EDIL3: variants seen among roughly 807,000 people sequenced by gnomAD.
EDIL3 encodes the protein EGF like and discoidin domains 3.
In EDIL3, 37 loss-of-function variants were observed where a neutral mutation model predicts 67.4. The ratio of observed to expected loss-of-function variants is 0.55; its 90% CI spans 0.42 to 0.72. The LOEUF is 0.72. Among genes scored for constraint, EDIL3 ranks in the 30% least tolerant of loss-of-function variants. EDIL3 has a pLI of 0.00. For synonymous variants in EDIL3, 195 were observed against 196.3 expected, an observed-to-expected ratio of 0.99 and a Z score of 0.05; for missense variants, 527 against 586.3, an observed-to-expected ratio of 0.90 and a Z score of 1.04.
chr5:84,156,189 T>G (rs1695926588), intron 4 of EDIL3, among the ~76,000 whole-genome samples: 1 of 152,198 alleles, frequency 6.6e-6, no homozygotes, highest in Non-Finnish European at 1.5e-5. Flanking sequence ...TCTTCTAGGT[T>G]TAGCCTTGGA....
chr5:84,291,648 ATATCTATATATCTATATATATATC>A (rs1454115578), intron 1 of EDIL3, among the ~76,000 whole-genome samples: 3 of 145,056 alleles, frequency 2.1e-5, no homozygotes, highest in African/African-American at 4.9e-5. Context: ...ATATCTATCT[ATATCTATATATCTATATATATATC>A]TATCTATATA....
At chr5:84,257,491 A>G (rs1466182940) in intron 1 of EDIL3, among the ~76,000 whole-genome samples, 4 of 152,206 alleles carry the variant, frequency 2.6e-5, no homozygotes, top group African/African-American at 2.4e-5. Flanking sequence ...GAAAACAGGT[A>G]ATAGATTTGA....
chr5:84,366,365 C>A (rs1032782508), intron 1 of EDIL3, among the ~76,000 whole-genome samples: 3 of 152,104 alleles, frequency 2.0e-5, no homozygotes, highest in African/African-American at 4.8e-5. Context: ...CCTTACAAGT[C>A]AGGCTCTATT....
At chr5:84,119,971 T>A (rs903878699) in intron 5 of EDIL3, among the ~76,000 whole-genome samples, 2 of 151,920 alleles carry the variant, frequency 1.3e-5, no homozygotes, top group African/African-American at 4.8e-5. Context: ...TCTAAGGACA[T>A]AAAGGGGATG....
chr5:84,027,421 G>A (rs1745835542), intron 9 of EDIL3, among the ~76,000 whole-genome samples: 2 of 152,182 alleles, frequency 1.3e-5, no homozygotes, highest in Admixed American at 6.5e-5. Flanking sequence ...TCAGAGAAGG[G>A]AAGCTTGGTC....
intron 1 of EDIL3, among the ~76,000 whole-genome samples, chr5:84,304,978 T>C (rs532141340): frequency 6.6e-6 from 1 of 152,342 alleles, no homozygotes; most frequent in South Asian, 2.1e-4. Flanking sequence ...GATAGTTATT[T>C]TAATGTGATT....
In EDIL3 at chr5:84,188,080, G is replaced by GC. The variant is rs937430661; in HGVS notation, c.227-7560dup. Reference sequence around the variant, plus strand: ...GGAAACCTGAAGATAGAGATTTCCCGCCCCCCCTTAAAACCTGTTGATAAA... The same window carrying GC: ...GGAAACCTGAAGATAGAGATTTCCCGCCCCCCCCTTAAAACCTGTTGATAAA... On this transcript the variant is annotated intron_variant, in intron 3 of 10. Transcript: ENST00000296591. Among the ~76,000 whole-genome samples, 326 of 151,630 alleles carry GC rather than the reference G, an allele frequency of 2.1e-3. 2 individuals carry two copies. The highest frequency in any genetic ancestry group is 7.5e-3 in the African/African-American group (310 of 41,342).
intron 6 of EDIL3, among the ~76,000 whole-genome samples, chr5:84,070,034 A>G (rs1746709394): frequency 6.6e-6 from 1 of 151,980 alleles, no homozygotes. Context: ...ACCAAGGGGA[A>G]TTTGGCCAGG....
chr5:84,169,028 A>G (rs1444859278), intron 4 of EDIL3, among the ~76,000 whole-genome samples: 1 of 152,006 alleles, frequency 6.6e-6, no homozygotes, highest in East Asian at 1.9e-4. Context: ...AGGATTCAAT[A>G]CTTGCTAATC....
intron 6 of EDIL3, among the ~76,000 whole-genome samples, chr5:84,076,535 T>C (rs920609697): frequency 1.3e-5 from 2 of 152,184 alleles, no homozygotes; most frequent in Non-Finnish European, 1.5e-5. Context: ...ACATACTGGC[T>C]CACCGAGCTA....
chr5:84,241,823 G>C (rs1251304136), intron 2 of EDIL3, among the ~76,000 whole-genome samples: 1 of 151,930 alleles, frequency 6.6e-6, no homozygotes, highest in Non-Finnish European at 1.5e-5. Flanking sequence ...CTTTAAAATA[G>C]TATATAAGGT....
intron 8 of EDIL3, among the ~76,000 whole-genome samples, chr5:84,064,225 C>T (rs1305240844): frequency 6.6e-6 from 1 of 151,660 alleles, no homozygotes; most frequent in Non-Finnish European, 1.5e-5. Context: ...TTCATAAAAC[C>T]TAAAAAAAAG....
chr5:84,055,624 C>A (rs546784118), intron 9 of EDIL3, among the ~76,000 whole-genome samples: 175 of 152,128 alleles, frequency 1.2e-3, no homozygotes, highest in African/African-American at 3.9e-3. Context: ...AAAAAACAAA[C>A]AACCCCATCA....
rs547833078 is a variant in EDIL3, at chr5:84,337,071, A to C, written c.67+47237T>G. ...GGCCAAGCAACTAAGTGGGGATCAA[A>C]TTCCAGCCTGTGCTCCACCAACACA... On this transcript the variant is annotated intron_variant, in intron 1 of 10. Transcript: ENST00000296591. 5.9e-5 allele frequency among the ~76,000 whole-genome samples: 9 copies of C among 152,286 alleles called. No homozygotes were observed. The South Asian group carries it at 1.9e-3, about 32-fold the overall frequency.
At chr5:84,008,894 C>A (rs1463383228) in intron 9 of EDIL3, among the ~76,000 whole-genome samples, 1 of 152,156 alleles carries the variant, frequency 6.6e-6, no homozygotes, top group Non-Finnish European at 1.5e-5. Flanking sequence ...CTCACTGCAA[C>A]CTCCGCCTCC....
intron 3 of EDIL3, among the ~76,000 whole-genome samples, chr5:84,194,220 G>C (rs1743652496): frequency 6.6e-6 from 1 of 151,776 alleles, no homozygotes; most frequent in African/African-American, 2.4e-5. Flanking sequence ...GCATCTTTTT[G>C]GTCATCTTGT....
chr5:84,020,183 A>G (rs757023182), intron 9 of EDIL3, among the ~76,000 whole-genome samples: 26 of 152,018 alleles, frequency 1.7e-4, no homozygotes, highest in South Asian at 4.1e-4. Context: ...ATACATATCG[A>G]AAACATTTCT....
At chr5:84,208,572 G>A (rs1418608405) in intron 3 of EDIL3, among the ~76,000 whole-genome samples, 15 of 150,666 alleles carry the variant, frequency 1.0e-4, no homozygotes, top group African/African-American at 2.9e-4. Context: ...CCAGCTACTC[G>A]GGAGGCTGAG....
chr5:84,120,547 T>TA (rs1246374730), intron 5 of EDIL3, among the ~76,000 whole-genome samples: 1 of 152,040 alleles, frequency 6.6e-6, no homozygotes, highest in African/African-American at 2.4e-5. Flanking sequence ...GAAAATCATC[T>TA]AAAAAGAGCA....
Sources: gnomAD v4.1 joint callset for allele counts (sites outside exome capture counted in the v4.1 genomes callset) on GRCh38, gnomAD v4.1.1 for gene constraint, MANE v1.5 for transcripts, NCBI Gene and HGNC (gene_info 2026-07-23, HGNC 2026-07-21) for gene names.